The following PCDHA2 variants were observed in gnomAD, a reference collection of about 807,000 sequenced individuals.
PCDHA2 encodes the protein protocadherin alpha 2, also known as protocadherin alpha-2.
Under a neutral mutation model 66.0 loss-of-function variants are expected in PCDHA2, and 58 were observed. The observed-to-expected ratio is 0.88, with a 90% CI of 0.71 to 1.09. The LOEUF (loss-of-function observed/expected upper bound fraction) is 1.09, where lower values mean the gene tolerates loss of function less well. Among genes scored for constraint, PCDHA2 ranks in the 50% least tolerant of loss-of-function variants. The pLI is 0.00. For synonymous variants in PCDHA2, 634 were observed against 554.0 expected (o/e 1.14, Z -2.03); for missense variants, 1,267 against 1,242.3 (o/e 1.02, Z -0.30).
intron 3 of PCDHA2, among the ~76,000 whole-genome samples, chr5:141,007,801 G>T (rs559830556): frequency 2.6e-5 from 4 of 152,148 alleles, no homozygotes; most frequent in Non-Finnish European, 5.9e-5. Flanking sequence ...GCCTTTATCT[G>T]CCATTCATTT....
At chr5:140,851,854 G>A (rs1187203228) in intron 1 of PCDHA2, 1 of 972,298 alleles carries the variant, frequency 1.0e-6, no homozygotes, top group East Asian at 1.1e-4. Flanking sequence ...TCTCCTCTCA[G>A]CTCATACATA....
rs782421721 is a variant in PCDHA2, at chr5:140,966,807, C to T, written c.2389-12142C>T. Reference sequence around the variant, plus strand: ...ACCAGACCTGCGGCGACAGAGCATCCACGGCTCCGGCGGCCCATGCCCTGG... The same window carrying T: ...ACCAGACCTGCGGCGACAGAGCATCTACGGCTCCGGCGGCCCATGCCCTGG... On this transcript the variant is annotated intron_variant, in intron 1 of 3. Transcript: ENST00000526136. 3 of 1,547,208 alleles carry T rather than the reference C, an allele frequency of 1.9e-6. No homozygotes were observed. The South Asian group carries it at 3.6e-5, about 18-fold the overall frequency.
intron 1 of PCDHA2, chr5:140,800,901 C>A: frequency 9.2e-6 from 4 of 434,234 alleles, no homozygotes; most frequent in Non-Finnish European, 7.2e-6. Flanking sequence ...GAGGAGTGAC[C>A]GAAGGATATT....
At chr5:140,801,607 T>TA (rs782532041) in intron 1 of PCDHA2, 4 of 1,614,194 alleles carry the variant, frequency 2.5e-6, no homozygotes, top group African/African-American at 1.3e-5. Flanking sequence ...CCAATGGCTG[T>TA]AAAGAATCTG....
intron 1 of PCDHA2, chr5:140,858,182 A>T: frequency 6.3e-7 from 1 of 1,597,504 alleles, no homozygotes. Flanking sequence ...GCTGGTGCTC[A>T]CGCTGCTGCT....
At chr5:140,849,964 T>A in intron 1 of PCDHA2, 1 of 1,597,810 alleles carries the variant, frequency 6.3e-7, no homozygotes. Flanking sequence ...AACGCCCTGG[T>A]GTCCTACTCG....
At chr5:140,997,792 T>C (rs1279010273) in intron 3 of PCDHA2, among the ~76,000 whole-genome samples, 1 of 152,160 alleles carries the variant, frequency 6.6e-6, no homozygotes, top group African/African-American at 2.4e-5. Context: ...TATATTATAA[T>C]TTATCCAATT....
At chr5:140,982,683 T>C in intron 3 of PCDHA2, 120 bp downstream of exon 3, 2 of 1,424,800 alleles carry the variant, frequency 1.4e-6, no homozygotes, top group Non-Finnish European at 1.8e-6. Context: ...TATTCCCTTT[T>C]TTCCATACAT....
intron 1 of PCDHA2, chr5:140,801,336 C>T (rs1762685854): frequency 6.2e-7 from 1 of 1,613,248 alleles, no homozygotes. Context: ...CTTCGTGGGC[C>T]GCATCGCGCA....
At chr5:140,821,308 A>G (rs2150109237) in intron 1 of PCDHA2, among the ~76,000 whole-genome samples, 37 of 152,184 alleles carry the variant, frequency 2.4e-4, no homozygotes, top group African/African-American at 8.4e-4. Context: ...TATAAAATAC[A>G]CCAGCACAAA....
At chr5:140,863,033 C>T (rs1554157551) in intron 1 of PCDHA2, 1 of 557,426 alleles carries the variant, frequency 1.8e-6, no homozygotes, top group Admixed American at 1.9e-5. Context: ...GCAACAGCTG[C>T]ATCTGTCAGC....
chr5:140,831,462 T>C (rs1322617868), intron 1 of PCDHA2, among the ~76,000 whole-genome samples: 1 of 140,760 alleles, frequency 7.1e-6, no homozygotes, highest in South Asian at 2.4e-4. Context: ...TGGGCTCAAG[T>C]GATTCTCTCA....
At chr5:140,955,652 A>T (rs1452679583) in intron 1 of PCDHA2, among the ~76,000 whole-genome samples, 2 of 152,180 alleles carry the variant, frequency 1.3e-5, no homozygotes, top group African/African-American at 4.8e-5. Context: ...ATTAATACAC[A>T]TATGAATTTT....
rs145031481 is a variant in PCDHA2 at position 140,803,305 on chromosome 5, C to A, written c.2388+5953C>A. 136 of 1,614,014 alleles carry A rather than the reference C, an allele frequency of 8.4e-5. No individual in the cohort carries two copies. Among genetic ancestry groups the A allele is most frequent in the Non-Finnish European group, 1.1e-4 (129 of 1,180,004 alleles). Reference sequence around the variant, plus strand: ...GATGTCAACGTGTACTTGATCGTCGCCATCTGCGCGGTGTCCAGTCTGTTG... The same window carrying A: ...GATGTCAACGTGTACTTGATCGTCGACATCTGCGCGGTGTCCAGTCTGTTG... On this transcript the variant is annotated intron_variant, in intron 1 of 3. Coordinates refer to ENST00000526136, the MANE Select transcript of PCDHA2 (RefSeq NM_018905.3).
At chr5:140,808,912 C>G (rs538609667) in intron 1 of PCDHA2, 13 of 1,613,494 alleles carry the variant, frequency 8.1e-6, no homozygotes, top group Non-Finnish European at 1.1e-5. Context: ...GCACTGGTGG[C>G]GCAGTGAGCG....
rs1382379376 is a variant in PCDHA2, at chr5:140,858,936, T to A, written c.2388+61584T>A. On this transcript the variant is annotated intron_variant, in intron 1 of 3. Transcript: ENST00000526136. ...TATACTGCCATAGTAGATTTCAATG[T>A]TCAGTGATTACAGCTTTTTCTCAAT... The A allele has an allele frequency of 1.2e-5, 2 of 160,734 alleles. 1 individual carries two copies. Among genetic ancestry groups the A allele is most frequent in the Non-Finnish European group, 2.7e-5 (2 of 74,452 alleles). The allele number at this position is 160,734 out of a possible 1,614,324, so 10.0% of individuals were successfully genotyped here.
intron 1 of PCDHA2, chr5:140,864,839 G>T (rs1335962458): frequency 6.6e-6 from 1 of 152,156 alleles, no homozygotes; most frequent in African/African-American, 2.4e-5. Flanking sequence ...GTATAAGAGA[G>T]TCTTCCCATA....
chr5:140,880,800 T>A (rs1453041032), intron 1 of PCDHA2, among the ~76,000 whole-genome samples: 1 of 152,130 alleles, frequency 6.6e-6, no homozygotes, highest in Admixed American at 6.6e-5. Context: ...TATAAATAGG[T>A]GAATGACTCT....
At chr5:140,852,575 C>CT (rs1395261617) in intron 1 of PCDHA2, 11 of 798,920 alleles carry the variant, frequency 1.4e-5, no homozygotes, top group Non-Finnish European at 1.7e-5. Context: ...TGTGCCAAGG[C>CT]TTTTTTATTT....
Sources: allele counts gnomAD v4.1 joint callset (sites outside exome capture counted in the v4.1 genomes callset), GRCh38; gene constraint gnomAD v4.1.1; transcripts MANE v1.5; gene names NCBI Gene and HGNC (gene_info 2026-07-23, HGNC 2026-07-21).